CSMD1: variants seen among roughly 807,000 people sequenced by gnomAD.
CSMD1 encodes the protein CUB and Sushi multiple domains 1, also known as CUB and sushi domain-containing protein 1.
CSMD1 carries 213 observed loss-of-function variants against 417.5 expected under a neutral mutation model. That is an observed-to-expected ratio of 0.51 (90% CI 0.46 to 0.57). The LOEUF (loss-of-function observed/expected upper bound fraction) is 0.57, where lower values mean the gene tolerates loss of function less well. Ranked by LOEUF, CSMD1 falls within the 20% of genes least tolerant of loss-of-function variation. The probability of loss-of-function intolerance (pLI) is 0.00; values close to 1 mark genes in which losing one functional copy is unlikely to be tolerated. For missense variants in CSMD1, 6,923 were observed against 4,529.7 expected (o/e 1.53, Z -15.17); for synonymous variants, 2,862 against 1,736.8 (o/e 1.65, Z -16.11).
intron 1 of CSMD1, among the ~76,000 whole-genome samples, chr8:4,816,708 G>C (rs1313526223): frequency 6.6e-6 from 1 of 152,150 alleles, no homozygotes; most frequent in African/African-American, 2.4e-5. Context: ...ACAAAGAAGT[G>C]ATTTCCAGAT....
intron 1 of CSMD1, among the ~76,000 whole-genome samples, chr8:4,888,200 T>C (rs903417252): frequency 2.0e-5 from 3 of 151,964 alleles, no homozygotes; most frequent in East Asian, 1.9e-4. Context: ...TCATGAAGTA[T>C]AATAAAAGAA....
chr8:3,402,541 A>G (rs1812099105), intron 15 of CSMD1, among the ~76,000 whole-genome samples: 2 of 152,190 alleles, frequency 1.3e-5, no homozygotes, highest in Admixed American at 1.3e-4. Context: ...TTTATACTCA[A>G]CATGTGCCTG....
intron 3 of CSMD1, among the ~76,000 whole-genome samples, chr8:4,137,938 C>T (rs1285444093): frequency 1.3e-5 from 2 of 151,404 alleles, no homozygotes; most frequent in African/African-American, 4.9e-5. Context: ...AGTGCAGTGG[C>T]GCAATCTCGG....
intron 49 of CSMD1, among the ~76,000 whole-genome samples, chr8:3,062,943 C>A (rs1282782987): frequency 1.3e-5 from 2 of 151,982 alleles, no homozygotes; most frequent in Admixed American, 6.6e-5. Flanking sequence ...GAATATAAAA[C>A]AAAGATTTAT....
At chr8:4,115,466 A>C (rs1802084501) in intron 3 of CSMD1, among the ~76,000 whole-genome samples, 1 of 152,214 alleles carries the variant, frequency 6.6e-6, no homozygotes, top group Admixed American at 6.5e-5. Flanking sequence ...GTGTTTTTAT[A>C]TATAATGCTT....
intron 2 of CSMD1, among the ~76,000 whole-genome samples, chr8:4,558,772 G>T (rs1394239060): frequency 6.6e-6 from 1 of 152,180 alleles, no homozygotes; most frequent in Non-Finnish European, 1.5e-5. Flanking sequence ...GGAGGCTGAG[G>T]CAGGAGAATT....
At chr8:3,835,927 G>A (rs566499718) in intron 5 of CSMD1, among the ~76,000 whole-genome samples, 4 of 151,944 alleles carry the variant, frequency 2.6e-5, no homozygotes, top group African/African-American at 9.6e-5. Flanking sequence ...TTTCTCCGTA[G>A]GAACAATATG....
chr8:4,209,156 C>G (rs955673807), intron 3 of CSMD1, among the ~76,000 whole-genome samples: 1 of 152,114 alleles, frequency 6.6e-6, no homozygotes, highest in African/African-American at 2.4e-5. Flanking sequence ...CAAAATCTGC[C>G]CTAGAGCCCA....
intron 1 of CSMD1, among the ~76,000 whole-genome samples, chr8:4,837,082 G>C (rs1360419853): frequency 2.0e-5 from 3 of 151,680 alleles, no homozygotes; most frequent in African/African-American, 7.3e-5. Flanking sequence ...AGAAAGAAGT[G>C]GTAATTAATG....
chr8:3,757,940 G>C (rs532401179), intron 5 of CSMD1, among the ~76,000 whole-genome samples: 5 of 151,946 alleles, frequency 3.3e-5, no homozygotes, highest in Admixed American at 6.6e-5. Flanking sequence ...GTGTAATTCA[G>C]GTTTAAAAAA....
intron 3 of CSMD1, among the ~76,000 whole-genome samples, chr8:4,270,212 G>C (rs775759136): frequency 6.6e-6 from 1 of 152,176 alleles, no homozygotes; most frequent in East Asian, 1.9e-4. Context: ...GTTTCCTACG[G>C]TGCAAATCAC....
At chr8:3,951,770 T>G (rs1274055568) in intron 5 of CSMD1, among the ~76,000 whole-genome samples, 1 of 152,024 alleles carries the variant, frequency 6.6e-6, no homozygotes. Flanking sequence ...AAAATGAGGG[T>G]GACCTGTGCT....
chr8:3,759,592 A>C (rs1339140582), intron 5 of CSMD1, among the ~76,000 whole-genome samples: 2 of 151,922 alleles, frequency 1.3e-5, no homozygotes, highest in Non-Finnish European at 2.9e-5. Context: ...CAAAGTAGAA[A>C]CCTCTAAAAG....
At chr8:4,321,322 GA>G (rs1235648958) in intron 3 of CSMD1, among the ~76,000 whole-genome samples, 1 of 151,994 alleles carries the variant, frequency 6.6e-6, no homozygotes, top group Non-Finnish European at 1.5e-5. Context: ...GTTTCCTCCT[GA>G]AATGGCCATA....
Position 2,949,940 on chromosome 8 carries a change from A to G in CSMD1, c.10314+291T>C, listed in dbSNP as rs191176809. The stretch of plus-strand genomic sequence containing the variant: ...AATTTCTGATGGCACCACTCACGAT[A>G]TAACGTAGCAGTAACATCATAGACC... On this transcript the variant is annotated intron_variant, in intron 67 of 69. Transcript: ENST00000635120. Among the ~76,000 whole-genome samples the G allele has an allele frequency of 2.4e-4, 36 of 152,306 alleles. No homozygotes were observed. In the East Asian group the frequency reaches 2.7e-3, roughly 11 times the overall value.
chr8:4,159,025 C>T (rs974333407), intron 3 of CSMD1, among the ~76,000 whole-genome samples: 1 of 152,284 alleles, frequency 6.6e-6, no homozygotes, highest in East Asian at 1.9e-4. Context: ...AAGCGATTCT[C>T]CTGCCTCAGC....
At chr8:3,732,099 G>T (rs1260619927) in intron 6 of CSMD1, among the ~76,000 whole-genome samples, 1 of 152,162 alleles carries the variant, frequency 6.6e-6, no homozygotes, top group African/African-American at 2.4e-5. Flanking sequence ...ATGCCACCAG[G>T]GAAAGGAGGG....
rs371851048 is a variant in CSMD1, at chr8:4,028,427, C to T, written c.610+3478G>A. On this transcript the variant is annotated intron_variant, in intron 4 of 69. Transcript: ENST00000635120. The stretch of plus-strand genomic sequence containing the variant: ...GCTTGTGGGGTGGTGGTAGTAGTAG[C>T]AGTCATCGCCGTCATATGCCATTAT... Among the ~76,000 whole-genome samples the T allele has an allele frequency of 5.3e-4, 81 of 152,082 alleles. No individual in the cohort carries two copies. The East Asian group carries it at 6.4e-3, about 12-fold the overall frequency.
intron 10 of CSMD1, among the ~76,000 whole-genome samples, chr8:3,574,501 C>A (rs1330164158): frequency 6.6e-6 from 1 of 152,144 alleles, no homozygotes; most frequent in African/African-American, 2.4e-5. Context: ...CCCACTTTGG[C>A]CTCCCAAAGT....
Sources: gnomAD v4.1 joint callset for allele counts (sites outside exome capture counted in the v4.1 genomes callset) on GRCh38, gnomAD v4.1.1 for gene constraint, MANE v1.5 for transcripts, NCBI Gene and HGNC (gene_info 2026-07-23, HGNC 2026-07-21) for gene names.